The following PTPRD variants were observed in gnomAD, a reference collection of about 807,000 sequenced individuals.
PTPRD encodes the protein receptor-type tyrosine-protein phosphatase delta.
In PTPRD, 34 loss-of-function variants were observed where a neutral mutation model predicts 214.5. That is an observed-to-expected ratio of 0.16 (90% CI 0.12 to 0.21). The LOEUF is 0.21. PTPRD is among the 10% of genes least tolerant of loss of function. The probability of loss-of-function intolerance (pLI) is 1.00; values close to 1 mark genes in which losing one functional copy is unlikely to be tolerated. For synonymous variants in PTPRD, 1,128 were observed against 845.7 expected (o/e 1.33, Z -5.79); for missense variants, 2,545 against 2,398.7 (o/e 1.06, Z -1.27).
intron 5 of PTPRD, among the ~76,000 whole-genome samples, chr9:9,848,896 A>T (rs1244677842): frequency 1.3e-5 from 2 of 152,100 alleles, no homozygotes. Context: ...TTTCTTTAAA[A>T]ATCAATTAAT....
chr9:9,381,404 C>T (rs574229322), intron 9 of PTPRD, among the ~76,000 whole-genome samples: 27 of 148,404 alleles, frequency 1.8e-4, no homozygotes, highest in African/African-American at 4.8e-4. Flanking sequence ...CTTTGTCACC[C>T]GGCTGGAGTG....
At chr9:10,272,222 C>A (rs1009305884) in intron 3 of PTPRD, among the ~76,000 whole-genome samples, 1 of 152,162 alleles carries the variant, frequency 6.6e-6, no homozygotes, top group Admixed American at 6.5e-5. Context: ...TCCTTTGTGA[C>A]TGGCTTCTTT....
intron 12 of PTPRD, among the ~76,000 whole-genome samples, chr9:8,679,792 T>TAC (rs147307027): frequency 0.035 from 5,383 of 152,316 alleles, 192 homozygotes; most frequent in African/African-American, 0.085. Context: ...CTTCTTCCAC[T>TAC]AGTCATTACA....
At chr9:9,399,312 T>C (rs914159383) in intron 8 of PTPRD, among the ~76,000 whole-genome samples, 13 of 152,022 alleles carry the variant, frequency 8.6e-5, no homozygotes, top group Admixed American at 6.6e-5. Context: ...TAGAATGTGA[T>C]AGTTCAACGT....
At chr9:9,828,205 G>A (rs10816195) in intron 5 of PTPRD, among the ~76,000 whole-genome samples, 52,694 of 151,784 alleles carry the variant, frequency 0.35, 9,565 homozygotes, top group African/African-American at 0.45. Context: ...ACATACACAC[G>A]CATGTTTATT....
At chr9:9,025,402 T>C (rs1393148488) in intron 10 of PTPRD, among the ~76,000 whole-genome samples, 2 of 152,136 alleles carry the variant, frequency 1.3e-5, no homozygotes, top group East Asian at 3.9e-4. Flanking sequence ...AGTAGCAAAA[T>C]TGTGAATGTA....
intron 9 of PTPRD, among the ~76,000 whole-genome samples, chr9:9,209,517 C>T (rs143578281): frequency 7.7e-4 from 117 of 152,186 alleles, no homozygotes; most frequent in African/African-American, 2.5e-3. Flanking sequence ...GGTGTATTAA[C>T]GGTATTGTGG....
At chr9:9,666,785 T>C (rs2096731256) in intron 7 of PTPRD, among the ~76,000 whole-genome samples, 1 of 151,992 alleles carries the variant, frequency 6.6e-6, no homozygotes, top group Non-Finnish European at 1.5e-5. Flanking sequence ...AAACCAAAAA[T>C]GTGTTTAATG....
chr9:9,302,741 G>C (rs1335101133), intron 9 of PTPRD, among the ~76,000 whole-genome samples: 1 of 150,696 alleles, frequency 6.6e-6, no homozygotes, highest in Non-Finnish European at 1.5e-5. Flanking sequence ...TTCCTTTGAA[G>C]CCATCCATAA....
intron 3 of PTPRD, among the ~76,000 whole-genome samples, chr9:10,324,210 T>C (rs1202018451): frequency 6.6e-6 from 1 of 152,070 alleles, no homozygotes; most frequent in Admixed American, 6.6e-5. Context: ...TTGATCAATA[T>C]GCAACCCCTT....
intron 2 of PTPRD, among the ~76,000 whole-genome samples, chr9:10,474,394 G>T (rs377720935): frequency 6.6e-6 from 1 of 151,068 alleles, no homozygotes; most frequent in Admixed American, 6.6e-5. Context: ...AGACAAAGAA[G>T]GGCATTACAT....
intron 39 of PTPRD, among the ~76,000 whole-genome samples, chr9:8,371,345 A>T (rs528566167): frequency 1.3e-5 from 2 of 152,118 alleles, no homozygotes; most frequent in Non-Finnish European, 2.9e-5. Flanking sequence ...AACTTGGACA[A>T]GCAATTATTG....
chr9:8,806,154 A>T (rs553492644), intron 11 of PTPRD, among the ~76,000 whole-genome samples: 3 of 150,248 alleles, frequency 2.0e-5, no homozygotes, highest in East Asian at 4.1e-4. Flanking sequence ...CGAACTCCTG[A>T]TCTCAGGTGA....
At chr9:10,166,226 A>G (rs1237248135) in intron 3 of PTPRD, among the ~76,000 whole-genome samples, 5 of 149,682 alleles carry the variant, frequency 3.3e-5, no homozygotes, top group African/African-American at 4.9e-5. Context: ...ACCTAGTAAT[A>G]AAGGGACTGA....
intron 3 of PTPRD, among the ~76,000 whole-genome samples, chr9:10,208,370 C>T (rs997811656): frequency 5.3e-4 from 81 of 152,170 alleles, no homozygotes; most frequent in Admixed American, 4.0e-3. Context: ...AAAAATTAGC[C>T]GGGCGTGGTG....
intron 44 of PTPRD, among the ~76,000 whole-genome samples, chr9:8,321,508 TATATATATATATATATATAAAA>T (rs1827950957): frequency 3.0e-5 from 3 of 100,712 alleles, no homozygotes; most frequent in Admixed American, 9.0e-5. Context: ...TATATATATA[TATATATATATATATATATAAAA>T]GGTATATGCA....
intron 7 of PTPRD, among the ~76,000 whole-genome samples, chr9:9,620,363 C>A (rs2095170795): frequency 6.6e-6 from 1 of 152,064 alleles, no homozygotes; most frequent in Non-Finnish European, 1.5e-5. Context: ...CAATGCTAGG[C>A]CGGTAAATAA....
intron 39 of PTPRD, among the ~76,000 whole-genome samples, chr9:8,364,483 T>C (rs922023294): frequency 3.3e-5 from 5 of 152,230 alleles, no homozygotes; most frequent in Admixed American, 1.3e-4. Flanking sequence ...AAATTGTAGC[T>C]GATGGGCCTC....
At position 10,413,135 on chromosome 9, in the gene PTPRD, A is replaced by G. The variant is rs141323339; in HGVS notation, c.-599-72118T>C. ...AAGAGCAATCAGGCAAGAGAAAGAT[A>G]TAAAAAGAATCCATATAGGAAGAGA... is the stretch of plus-strand genomic sequence containing the variant. On this transcript the variant is annotated intron_variant, in intron 2 of 45. Coordinates refer to ENST00000381196, the MANE Select transcript of PTPRD (RefSeq NM_002839.4). Among the ~76,000 whole-genome samples, 246 of 152,110 alleles carry G rather than the reference A, an allele frequency of 1.6e-3. 2 individuals carry two copies. Among genetic ancestry groups the G allele is most frequent in the African/African-American group, 5.7e-3 (235 of 41,562 alleles).
Sources: gnomAD v4.1 joint callset for allele counts (sites outside exome capture counted in the v4.1 genomes callset) on GRCh38, gnomAD v4.1.1 for gene constraint, MANE v1.5 for transcripts, NCBI Gene and HGNC (gene_info 2026-07-23, HGNC 2026-07-21) for gene names.